Variants in FARS2 observed in about 807,000 individuals in gnomAD.
The protein encoded by FARS2 is phenylalanyl-tRNA synthetase 2, mitochondrial.
FARS2 carries 40 observed loss-of-function variants against 46.4 expected under a neutral mutation model. The observed-to-expected ratio is 0.86, with a 90% CI of 0.67 to 1.12. The LOEUF (loss-of-function observed/expected upper bound fraction) is 1.12. Ranked by LOEUF, FARS2 falls within the 50% of genes most tolerant of loss-of-function variation. FARS2 has a pLI of 0.00. For missense variants in FARS2, 513 were observed against 567.9 expected, an observed-to-expected ratio of 0.90 and a Z score of 0.98; for synonymous variants, 234 against 214.9, an observed-to-expected ratio of 1.09 and a Z score of -0.78.
At chr6:5,370,263 G>C (rs1474521524) in intron 2 of FARS2, among the ~76,000 whole-genome samples, 1 of 151,668 alleles carries the variant, frequency 6.6e-6, no homozygotes, top group Non-Finnish European at 1.5e-5. Context: ...TTTTCTTTCT[G>C]TTTACCTCTG....
At chr6:5,367,465 C>G (rs808815) in intron 1 of FARS2, among the ~76,000 whole-genome samples, 106,403 of 151,764 alleles carry the variant, frequency 0.7, 37,952 homozygotes, top group African/African-American at 0.82. Context: ...GCTTCTGTGG[C>G]AGTGGGAAGA....
At chr6:5,721,539 G>C (rs1759909649) in intron 6 of FARS2, among the ~76,000 whole-genome samples, 1 of 152,112 alleles carries the variant, frequency 6.6e-6, no homozygotes, top group Non-Finnish European at 1.5e-5. Flanking sequence ...TCATGATTGT[G>C]TGAAATCGTG....
intron 5 of FARS2, among the ~76,000 whole-genome samples, chr6:5,577,294 G>T (rs1162632118): frequency 1.3e-5 from 2 of 152,228 alleles, no homozygotes; most frequent in African/African-American, 2.4e-5. Context: ...CTGATTATTA[G>T]ATTAGAATCC....
intron 1 of FARS2, among the ~76,000 whole-genome samples, chr6:5,294,862 T>C (rs1197478061): frequency 6.6e-6 from 1 of 152,074 alleles, no homozygotes; most frequent in East Asian, 1.9e-4. Context: ...GGAAGCTTCA[T>C]GACATCAGCA....
intron 1 of FARS2, among the ~76,000 whole-genome samples, chr6:5,283,785 A>T (rs1156552438): frequency 1.3e-5 from 2 of 152,118 alleles, no homozygotes; most frequent in African/African-American, 2.4e-5. Flanking sequence ...ATGTATCAAT[A>T]CATGTAGAGG....
chr6:5,296,319 T>A (rs1474498273), intron 1 of FARS2, among the ~76,000 whole-genome samples: 1 of 151,872 alleles, frequency 6.6e-6, no homozygotes, highest in African/African-American at 2.4e-5. Flanking sequence ...TTTTTTGTAT[T>A]TTTAGTAGAG....
chr6:5,578,834 CAAAAA>C (rs111917443), intron 5 of FARS2, among the ~76,000 whole-genome samples: 14 of 140,584 alleles, frequency 1.0e-4, no homozygotes, highest in South Asian at 2.2e-4. Flanking sequence ...AAAAAAAAAA[CAAAAA>C]AAAAAGAAAA....
chr6:5,552,388 G>A (rs1305920192), intron 5 of FARS2, among the ~76,000 whole-genome samples: 1 of 152,150 alleles, frequency 6.6e-6, no homozygotes, highest in African/African-American at 2.4e-5. Context: ...AAGCCATTTG[G>A]GAATCCTATT....
At chr6:5,756,169 T>C (rs1762195181) in intron 6 of FARS2, among the ~76,000 whole-genome samples, 1 of 152,224 alleles carries the variant, frequency 6.6e-6, no homozygotes, top group Non-Finnish European at 1.5e-5. Flanking sequence ...CAATAATGGA[T>C]ACTTTCTCTG....
intron 3 of FARS2, among the ~76,000 whole-genome samples, chr6:5,405,480 C>CTTTTTTTTTTT (rs398000284): frequency 0.017 from 1,017 of 58,956 alleles, 178 homozygotes; most frequent in Non-Finnish European, 0.021. Flanking sequence ...GAGCAAGGTT[C>CTTTTTTTTTTT]TTTTTTTTTT....
chr6:5,765,406 A>T lies in FARS2; in HGVS notation c.1218-5885A>T, dbSNP rs1762699557. Among the ~76,000 whole-genome samples the T allele has an allele frequency of 6.6e-6, 1 of 152,224 alleles. No homozygotes were observed. Among genetic ancestry groups the T allele is most frequent in the Non-Finnish European group, 1.5e-5 (1 of 68,026 alleles). On this transcript the variant is annotated intron_variant, in intron 6 of 6. Coordinates refer to ENST00000274680, the MANE Select transcript of FARS2 (RefSeq NM_006567.5). The surrounding 1 kb of genome is among the most constrained non-coding windows in gnomAD (Gnocchi z 4.0). ...ACGGGCGGCAGTGGGAGAGTGGAAG[A>T]GGTGGGCCCTGGGCACAGCATGTAC... is the stretch of plus-strand genomic sequence containing the variant.
chr6:5,771,338 A>G lies in FARS2; in HGVS notation c.1265A>G (p.Glu422Gly), dbSNP rs1454443647. 1 of 1,614,120 alleles carries G rather than the reference A, an allele frequency of 6.2e-7. No individual in the cohort carries two copies. Among genetic ancestry groups the G allele is most frequent in the Non-Finnish European group, 8.5e-7 (1 of 1,179,970 alleles). The stretch of plus-strand genomic sequence containing the variant: ...TACCGCATCACGTACCGCCACATGG[A>G]ACGGACTCTGTCCCAGAGAGAGGTC... ...HCYRITYRHM[E>G]RTLSQREVRH... is the part of the protein sequence containing the mutation. The change falls in exon 7 of 7, where the codon GAA becomes GGA. Residue 422 changes from glutamate to glycine, a missense_variant. By Grantham distance (98) the Glu-to-Gly change is moderately conservative (BLOSUM62 -2). Coordinates refer to ENST00000274680, the MANE Select transcript of FARS2 (RefSeq NM_006567.5).
rs61097603 is a variant in FARS2, at chr6:5,365,317, C to CTTTTTTTTTTTTTTTTTTTT, written c.-21-3223_-21-3204dup. ...GACCTTTGATTGAGAAGTATACTTTCTTTTTTTTTTTTTTTTTTTTTTTTT... is the reference window on the plus strand; with the variant it reads ...GACCTTTGATTGAGAAGTATACTTTCTTTTTTTTTTTTTTTTTTTTTTTTTTTTTTTTTTTTTTTTTTTTT... On this transcript the variant is annotated intron_variant, in intron 1 of 6. Coordinates refer to ENST00000274680, the MANE Select transcript of FARS2 (RefSeq NM_006567.5). Among the ~76,000 whole-genome samples, 11 of 42,492 alleles carry CTTTTTTTTTTTTTTTTTTTT rather than the reference C, an allele frequency of 2.6e-4. 4 individuals are homozygous for CTTTTTTTTTTTTTTTTTTTT. The highest frequency in any genetic ancestry group is 4.6e-4 in the Non-Finnish European group (11 of 23,932). The allele number at this position is 42,492 out of a possible 152,430, so 27.9% of individuals were successfully genotyped here.
At chr6:5,554,431 C>G (rs992898384) in intron 5 of FARS2, among the ~76,000 whole-genome samples, 2 of 152,110 alleles carry the variant, frequency 1.3e-5, no homozygotes, top group African/African-American at 4.8e-5. Flanking sequence ...TGCCTAGAGT[C>G]CCAGGGAAAA....
At chr6:5,558,168 T>A (rs1407252154) in intron 5 of FARS2, among the ~76,000 whole-genome samples, 1 of 152,166 alleles carries the variant, frequency 6.6e-6, no homozygotes, top group Non-Finnish European at 1.5e-5. Flanking sequence ...GTCGTTAACT[T>A]CCCTCATCCT....
chr6:5,601,630 C>T (rs1197980143), intron 5 of FARS2, among the ~76,000 whole-genome samples: 3 of 151,422 alleles, frequency 2.0e-5, no homozygotes, highest in Admixed American at 2.0e-4. Flanking sequence ...GACCTTGGCT[C>T]TGCCACTTAC....
At chr6:5,739,588 A>T (rs1400810910) in intron 6 of FARS2, among the ~76,000 whole-genome samples, 1 of 152,200 alleles carries the variant, frequency 6.6e-6, no homozygotes, top group Non-Finnish European at 1.5e-5. Flanking sequence ...GACCATCTTC[A>T]CGGGAAATGT....
intron 6 of FARS2, among the ~76,000 whole-genome samples, chr6:5,689,822 G>A (rs1757554424): frequency 6.6e-6 from 1 of 152,104 alleles, no homozygotes; most frequent in African/African-American, 2.4e-5. Context: ...CATTATTATT[G>A]TGTGGGAGTC....
At chr6:5,771,001 A>G (rs1028401985) in intron 6 of FARS2, among the ~76,000 whole-genome samples, 5 of 152,134 alleles carry the variant, frequency 3.3e-5, no homozygotes, top group African/African-American at 1.2e-4. Flanking sequence ...GCTGAATCCA[A>G]ATCTCCAGAG....
Sources: gnomAD v4.1 joint callset for allele counts (sites outside exome capture counted in the v4.1 genomes callset) on GRCh38, gnomAD v4.1.1 for gene constraint, Gnocchi (gnomAD v3.1) non-coding constraint, MANE v1.5 for transcripts, NCBI Gene and HGNC (gene_info 2026-07-23, HGNC 2026-07-21) for gene names.